The following CSMD2 variants were observed in gnomAD, a reference collection of about 807,000 sequenced individuals.
CSMD2 encodes the protein CUB and sushi domain-containing protein 2.
Under a neutral mutation model 398.5 loss-of-function variants are expected in CSMD2, and 130 were observed. The observed-to-expected ratio is 0.33, with a 90% CI of 0.28 to 0.38. The LOEUF is 0.38. Ranked by LOEUF, CSMD2 falls within the 10% of genes least tolerant of loss-of-function variation. The pLI is 1.00. For synonymous variants in CSMD2, 1,828 were observed against 1,908.5 expected (o/e 0.96, Z 1.10); for missense variants, 3,829 against 4,764.9 (o/e 0.80, Z 5.78).
intron 55 of CSMD2, 63 bp downstream of exon 55, chr1:33,557,671 G>C: frequency 7.4e-7 from 1 of 1,355,958 alleles, no homozygotes; most frequent in Non-Finnish European, 1.0e-6. Flanking sequence ...TGCACAGAGG[G>C]GAGGACTGTT....
chr1:33,738,707 C>T (rs1173916039), intron 15 of CSMD2, among the ~76,000 whole-genome samples: 1 of 152,146 alleles, frequency 6.6e-6, no homozygotes, highest in Non-Finnish European at 1.5e-5. Context: ...GACTGGGAGA[C>T]ATCCCAGGGA....
intron 44 of CSMD2, among the ~76,000 whole-genome samples, chr1:33,598,156 T>A (rs1396963966): frequency 1.3e-5 from 2 of 152,226 alleles, no homozygotes; most frequent in African/African-American, 4.8e-5. Flanking sequence ...GAACAGAGCT[T>A]CAAAGGCTTA....
intron 10 of CSMD2, among the ~76,000 whole-genome samples, chr1:33,800,998 A>G (rs1339676143): frequency 6.6e-6 from 1 of 152,060 alleles, no homozygotes; most frequent in Non-Finnish European, 1.5e-5. Flanking sequence ...GCCAACGAGT[A>G]TGTCCCTGAC....
intron 9 of CSMD2, among the ~76,000 whole-genome samples, chr1:33,818,866 A>C (rs1377613297): frequency 6.6e-6 from 1 of 152,170 alleles, no homozygotes; most frequent in Non-Finnish European, 1.5e-5. Flanking sequence ...ACTCTGCATG[A>C]ATTTTATCTT....
At chr1:34,034,807 C>T (rs1273541562) in intron 2 of CSMD2, among the ~76,000 whole-genome samples, 2 of 152,028 alleles carry the variant, frequency 1.3e-5, no homozygotes, top group Non-Finnish European at 2.9e-5. Context: ...TGACAAAAAA[C>T]TGTAAAAGAT....
At chr1:33,890,846 C>A (rs1452906314) in intron 5 of CSMD2, among the ~76,000 whole-genome samples, 1 of 152,026 alleles carries the variant, frequency 6.6e-6, no homozygotes, top group Non-Finnish European at 1.5e-5. Flanking sequence ...TAGCCATATG[C>A]AGAAAGCTGA....
intron 13 of CSMD2, among the ~76,000 whole-genome samples, chr1:33,756,358 G>A (rs541522438): frequency 2.6e-5 from 4 of 152,164 alleles, no homozygotes; most frequent in Non-Finnish European, 5.9e-5. Flanking sequence ...CTAGGTATGG[G>A]ATCAGCAGCC....
At chr1:33,767,508 C>T (rs1650662018) in intron 13 of CSMD2, among the ~76,000 whole-genome samples, 2 of 152,146 alleles carry the variant, frequency 1.3e-5, no homozygotes, top group African/African-American at 4.8e-5. Context: ...TCCCTTTAAC[C>T]TTAGCAGGAT....
rs1414025264 is a variant in CSMD2, at chr1:33,829,710, C to T, written c.1034-3936G>A. On this transcript the variant is annotated intron_variant, in intron 6 of 70. Transcript: ENST00000373381. ...TGAGCCAAAGCAGGGTGAGGCATTG[C>T]CTCACTCGGGAAGTGCAAGGGATCA... 2.0e-5 allele frequency among the ~76,000 whole-genome samples: 3 copies of T among 152,340 alleles called. No homozygotes were observed. The East Asian group carries it at 5.8e-4, about 29-fold the overall frequency.
intron 10 of CSMD2, 36 bp from the exon 11 acceptor site, chr1:33,792,562 G>A (rs1294849877): frequency 8.9e-6 from 13 of 1,455,034 alleles, no homozygotes; most frequent in Non-Finnish European, 1.3e-5. Context: ...GCAGGCAGGG[G>A]CTGTGAGGAA....
At chr1:33,770,400 G>A (rs1205884949) in intron 13 of CSMD2, among the ~76,000 whole-genome samples, 1 of 152,210 alleles carries the variant, frequency 6.6e-6, no homozygotes, top group African/African-American at 2.4e-5. Flanking sequence ...AGCTCCCTGA[G>A]GGCAATGCCC....
rs182805747 is a variant in CSMD2, at chr1:34,091,096, C to T, written c.188-1903G>A. Among the ~76,000 whole-genome samples, 89 of 152,188 alleles carry T rather than the reference C, an allele frequency of 5.8e-4. 3 individuals are homozygous for T. The East Asian group carries it at 0.012, about 21-fold the overall frequency. On this transcript the variant is annotated intron_variant, in intron 1 of 70. Transcript: ENST00000373381. ...CCACTACTACACAGTGTCATGACAC[C>T]GTAACTTCTCCTTGGTGGTACTTAT... is the stretch of plus-strand genomic sequence containing the variant.
At chr1:33,699,002 C>T (rs1645517406) in intron 23 of CSMD2, 58 bp from the exon 24 acceptor site, 2 of 1,441,612 alleles carry the variant, frequency 1.4e-6, no homozygotes, top group South Asian at 1.4e-5. Context: ...AACCATGCTT[C>T]CTCTCTTCCC....
At chr1:33,674,666 C>T (rs1434749810) in intron 25 of CSMD2, among the ~76,000 whole-genome samples, 1 of 152,212 alleles carries the variant, frequency 6.6e-6, no homozygotes, top group Non-Finnish European at 1.5e-5. Flanking sequence ...TTCTTTTCAG[C>T]ACCACACCAC....
chr1:33,829,518 T>C (rs1299131511), intron 6 of CSMD2, among the ~76,000 whole-genome samples: 2 of 152,128 alleles, frequency 1.3e-5, no homozygotes, highest in Admixed American at 1.3e-4. Flanking sequence ...ATTAGGTATA[T>C]CTGGAGGAGC....
intron 6 of CSMD2, among the ~76,000 whole-genome samples, chr1:33,837,459 AG>A (rs1471937509): frequency 1.7e-5 from 1 of 59,554 alleles, no homozygotes; most frequent in Admixed American, 2.1e-4. Flanking sequence ...GTCTGTAAAA[AG>A]AAGTTTTTTA....
At chr1:33,796,521 T>A (rs1293977560) in intron 10 of CSMD2, among the ~76,000 whole-genome samples, 1 of 152,280 alleles carries the variant, frequency 6.6e-6, no homozygotes, top group East Asian at 1.9e-4. Flanking sequence ...TATAATTTCT[T>A]ATGCCTGTCT....
At chr1:33,580,028 G>A (rs1164387103) in intron 48 of CSMD2, among the ~76,000 whole-genome samples, 1 of 152,136 alleles carries the variant, frequency 6.6e-6, no homozygotes, top group Non-Finnish European at 1.5e-5. Flanking sequence ...TGGAATGTAG[G>A]CCAAAGGTAG....
chr1:33,840,343 C>T (rs1476323690), intron 6 of CSMD2, among the ~76,000 whole-genome samples: 1 of 152,208 alleles, frequency 6.6e-6, no homozygotes, highest in Non-Finnish European at 1.5e-5. Flanking sequence ...CCCTTCTCTG[C>T]CTGGCTACCT....
Sources: gnomAD v4.1 joint callset for allele counts (sites outside exome capture counted in the v4.1 genomes callset) on GRCh38, gnomAD v4.1.1 for gene constraint, MANE v1.5 for transcripts, NCBI Gene and HGNC (gene_info 2026-07-23, HGNC 2026-07-21) for gene names.